Variants in NUGGC observed in about 807,000 individuals in gnomAD.
The protein encoded by NUGGC is nuclear GTPase SLIP-GC.
A neutral mutation model predicts 92.6 loss-of-function variants in NUGGC; 58 were observed. The ratio of observed to expected loss-of-function variants is 0.63; its 90% CI spans 0.51 to 0.78. The LOEUF (loss-of-function observed/expected upper bound fraction) is 0.78, where lower values mean the gene tolerates loss of function less well. NUGGC is among the 30% of genes least tolerant of loss of function. NUGGC has a pLI of 0.00. For missense variants in NUGGC, 925 were observed against 964.6 expected, an observed-to-expected ratio of 0.96 and a Z score of 0.54; for synonymous variants, 376 against 366.4, an observed-to-expected ratio of 1.03 and a Z score of -0.30.
At chr8:28,054,850 C>T (rs146425825) in intron 10 of NUGGC, among the ~76,000 whole-genome samples, 1 of 151,742 alleles carries the variant, frequency 6.6e-6, no homozygotes, top group African/African-American at 2.4e-5. Flanking sequence ...GAGTTTGAGA[C>T]CAGCCTGGGC....
chr8:28,035,084 T>TG (rs1809520785), intron 13 of NUGGC, among the ~76,000 whole-genome samples: 1 of 152,048 alleles, frequency 6.6e-6, no homozygotes, highest in Non-Finnish European at 1.5e-5. Flanking sequence ...GTTGATGGGG[T>TG]AAAGTCCTGG....
chr8:28,026,578 G>A (rs561290023), intron 18 of NUGGC, among the ~76,000 whole-genome samples: 11 of 152,320 alleles, frequency 7.2e-5, no homozygotes, highest in South Asian at 4.1e-4. Context: ...TAAATTAGCC[G>A]CTTTCCAGCT....
At chr8:28,065,253 C>A (rs868381956) in intron 6 of NUGGC, among the ~76,000 whole-genome samples, 71 of 150,310 alleles carry the variant, frequency 4.7e-4, no homozygotes, top group African/African-American at 1.7e-3. Context: ...CTCCGCCTCC[C>A]GGGTTCACGC....
chr8:28,023,368 G>T lies in NUGGC; in HGVS notation c.2340C>A (p.Phe780Leu), dbSNP rs941779047. The T allele has an allele frequency of 6.2e-7, 1 of 1,613,876 alleles. No individual in the cohort carries two copies. The highest frequency in any genetic ancestry group is 1.3e-5 in the African/African-American group (1 of 74,938). Reference protein sequence around the residue: ...NARLRKGMQEFLLRASPSKAG... With the variant: ...NARLRKGMQELLLRASPSKAG... ...CCTTGCTGGGGGATGCCCTTAGGAG[G>T]AATTCTTGCATGCCCTTCCTCAGCC... Residue 780 changes from phenylalanine (F) to leucine (L), a missense_variant, in exon 19 of 19, where the codon TTC (phenylalanine) becomes TTA (leucine). Physicochemically the swap from Phe to Leu is conservative, Grantham distance 22. Transcript: ENST00000413272.
chr8:28,031,210 C>T (rs1563214347), intron 15 of NUGGC, 33 bp downstream of exon 15: 1 of 1,613,228 alleles, frequency 6.2e-7, no homozygotes, highest in Middle Eastern at 1.7e-4. Flanking sequence ...CATGCCCAAC[C>T]TCACTGCTCT....
chr8:28,079,928 G>GTT (rs887208145), intron 1 of NUGGC, among the ~76,000 whole-genome samples: 4 of 106,650 alleles, frequency 3.8e-5, no homozygotes, highest in African/African-American at 1.3e-4. Context: ...GTTGTTCTTT[G>GTT]TTTTTTTGTT....
In NUGGC at chr8:28,029,467, G is replaced by A. The variant is rs142959526; in HGVS notation, c.2018-65C>T. 2.5e-3 allele frequency: 3,923 copies of A among 1,570,446 alleles called. 98 individuals carry two copies. The African/African-American group carries it at 0.047, about 19-fold the overall frequency. ...CCTGCTTAGAAATCTTTGGCACCATGGCCGGGCATGGTGGCTCACACCTGT... is the reference window on the plus strand; with the variant it reads ...CCTGCTTAGAAATCTTTGGCACCATAGCCGGGCATGGTGGCTCACACCTGT... On this transcript the variant is annotated intron_variant, in intron 16 of 18. Transcript: ENST00000413272.
chr8:28,045,522 C>T lies in NUGGC; in HGVS notation c.1446+5G>A, dbSNP rs1323441252. ...GAGAATATGAAAACCCAGTGTCTTC[C>T]ATACCGGCAGGTTTTGCGTGGAGTT... On this transcript the variant is annotated splice_donor_5th_base_variant and intron_variant, in intron 12 of 18. Transcript: ENST00000413272. The T allele has an allele frequency of 6.2e-7, 1 of 1,611,302 alleles. No individual in the cohort carries two copies. Among genetic ancestry groups the T allele is most frequent in the Admixed American group, 1.7e-5 (1 of 59,890 alleles).
chr8:28,032,926 G>C (rs561105373), intron 14 of NUGGC, among the ~76,000 whole-genome samples: 1 of 152,106 alleles, frequency 6.6e-6, no homozygotes, highest in African/African-American at 2.4e-5. Context: ...TTGGGAGGAC[G>C]ATGGGGGAGG....
In NUGGC at chr8:28,081,894, A is replaced by T. The variant is rs1018921711; in HGVS notation, c.-47+1881T>A. ...CTCCATCTCAAAAAAAAAAAAAACA[A>T]TCTTTGGTCAAGTTTTTTCTTGCTC... On this transcript the variant is annotated intron_variant, in intron 1 of 18. Transcript: ENST00000413272. Among the ~76,000 whole-genome samples, 3 of 151,776 alleles carry T rather than the reference A, an allele frequency of 2.0e-5. No homozygotes were observed. The South Asian group carries it at 6.2e-4, about 31-fold the overall frequency.
chr8:28,074,871 G>A (rs1328816537), intron 1 of NUGGC, among the ~76,000 whole-genome samples: 4 of 152,152 alleles, frequency 2.6e-5, no homozygotes, highest in African/African-American at 7.2e-5. Context: ...CCTGGGAGGC[G>A]GGGCTTGTAG....
intron 13 of NUGGC, among the ~76,000 whole-genome samples, chr8:28,037,091 A>C (rs1204472620): frequency 6.6e-6 from 1 of 152,030 alleles, no homozygotes; most frequent in Non-Finnish European, 1.5e-5. Flanking sequence ...AAAACTGTCT[A>C]CGATTCCTCG....
intron 13 of NUGGC, among the ~76,000 whole-genome samples, chr8:28,034,511 C>T (rs1159970921): frequency 3.3e-5 from 5 of 152,096 alleles, no homozygotes; most frequent in Non-Finnish European, 7.3e-5. Context: ...AGAATATCCC[C>T]AAATCATTGT....
At chr8:28,061,295 A>C (rs1267361995) in intron 7 of NUGGC, among the ~76,000 whole-genome samples, 1 of 152,258 alleles carries the variant, frequency 6.6e-6, no homozygotes. Flanking sequence ...GCCAATGAAC[A>C]TGAAACAACA....
chr8:28,062,982 G>A (rs564223031), intron 7 of NUGGC, among the ~76,000 whole-genome samples: 2 of 151,894 alleles, frequency 1.3e-5, no homozygotes, highest in South Asian at 4.2e-4. Context: ...CCCCCAACCT[G>A]CATCTCCCCA....
intron 12 of NUGGC, among the ~76,000 whole-genome samples, chr8:28,044,547 C>T (rs1055370574): frequency 6.6e-6 from 1 of 152,174 alleles, no homozygotes; most frequent in African/African-American, 2.4e-5. Flanking sequence ...TAGGCATAGA[C>T]ATTTGGTTTT....
chr8:28,083,264 G>A (rs1810893940), intron 1 of NUGGC, among the ~76,000 whole-genome samples: 1 of 152,176 alleles, frequency 6.6e-6, no homozygotes, highest in East Asian at 1.9e-4. Flanking sequence ...CCCTTGATAT[G>A]ATGTGATGAG....
intron 10 of NUGGC, among the ~76,000 whole-genome samples, chr8:28,048,875 A>G (rs1419182905): frequency 2.1e-5 from 3 of 142,402 alleles, no homozygotes; most frequent in Non-Finnish European, 4.6e-5. Flanking sequence ...AAAAAAAAAA[A>G]AAAAAGTCAA....
chr8:28,083,572 C>T (rs966873123), intron 1 of NUGGC, among the ~76,000 whole-genome samples: 2 of 152,064 alleles, frequency 1.3e-5, no homozygotes, highest in East Asian at 1.9e-4. Context: ...TTAAGAATAA[C>T]GTATCAGTAT....
Sources: gnomAD v4.1 joint callset for allele counts (sites outside exome capture counted in the v4.1 genomes callset) on GRCh38, gnomAD v4.1.1 for gene constraint, MANE v1.5 for transcripts, NCBI Gene and HGNC (gene_info 2026-07-23, HGNC 2026-07-21) for gene names.